Variants in KCNK17 observed in about 807,000 individuals in gnomAD.
KCNK17 encodes potassium channel subfamily K member 17.
Under a neutral mutation model 24.6 loss-of-function variants are expected in KCNK17, and 27 were observed. The observed-to-expected ratio is 1.10, with a 90% CI of 0.81 to 1.51. The LOEUF is 1.51. KCNK17 is among the 40% of genes most tolerant of loss of function. KCNK17 has a pLI of 0.00. For missense variants in KCNK17, 450 were observed against 436.6 expected (o/e 1.03, Z -0.27); for synonymous variants, 181 against 189.8 (o/e 0.95, Z 0.38).
In KCNK17 at chr6:39,304,133, T is replaced by G. The variant is rs769334412; in HGVS notation, c.514-2A>C. 2 of 1,606,312 alleles carry G rather than the reference T, an allele frequency of 1.2e-6. No homozygotes were observed. Among genetic ancestry groups the G allele is most frequent in the African/African-American group, 2.7e-5 (2 of 74,832 alleles). On this transcript the variant is annotated splice_acceptor_variant, in intron 3 of 4. Coordinates refer to ENST00000373231, the MANE Select transcript of KCNK17 (RefSeq NM_031460.4). LOFTEE classifies it high-confidence loss of function. ...CAGCCACCGCGCCTTGTCAGGATCC[T>G]GTGGGTGCAACATTGTCCCCAGGCC...
rs114561048 is a variant in KCNK17 at position 39,307,565 on chromosome 6, T to C, written c.353-2910A>G. ...CACCAGCGGGATGGGGACACTAAGA[T>C]TCCAGCTCTGAGAGGAGCCCCATGG... On this transcript the variant is annotated intron_variant, in intron 2 of 4. Transcript: ENST00000373231. 6.6e-3 allele frequency among the ~76,000 whole-genome samples: 1,002 copies of C among 152,314 alleles called. 5 individuals carry two copies. Among genetic ancestry groups the C allele is most frequent in the Non-Finnish European group, 0.011 (737 of 68,032 alleles).
At chr6:39,303,634 A>G (rs942307723) in intron 4 of KCNK17, among the ~76,000 whole-genome samples, 13 of 152,220 alleles carry the variant, frequency 8.5e-5, no homozygotes, top group African/African-American at 3.1e-4. Context: ...TTGGCCTTCC[A>G]TAGGGAGAGA....
At chr6:39,301,043 G>C (rs1761943828) in intron 4 of KCNK17, among the ~76,000 whole-genome samples, 1 of 152,198 alleles carries the variant, frequency 6.6e-6, no homozygotes, top group South Asian at 2.1e-4. Flanking sequence ...TGCTCAGAAT[G>C]GTGCCTGGTA....
chr6:39,299,154 G>C lies in KCNK17; in HGVS notation c.*273C>G. The C allele has an allele frequency of 2.1e-6, 1 of 466,786 alleles. No homozygotes were observed. The highest frequency in any genetic ancestry group is 3.8e-6 in the Non-Finnish European group (1 of 260,920). The allele number at this position is 466,786 out of a possible 1,614,324, so 28.9% of individuals were successfully genotyped here. ...TGCCGCTACTTCATGGTGCCGTATGGCTGCCAGAGCTCCCAGCCATCATAT... is the reference window on the plus strand; with the variant it reads ...TGCCGCTACTTCATGGTGCCGTATGCCTGCCAGAGCTCCCAGCCATCATAT... On this transcript the variant is annotated 3_prime_UTR_variant, in exon 5 of 5. Coordinates refer to ENST00000373231, the MANE Select transcript of KCNK17 (RefSeq NM_031460.4).
chr6:39,309,745 A>G (rs1762097945), intron 2 of KCNK17, among the ~76,000 whole-genome samples: 2 of 152,160 alleles, frequency 1.3e-5, no homozygotes, highest in African/African-American at 4.8e-5. Flanking sequence ...ATGCCTGGTG[A>G]ATGCATATTT....
At position 39,300,467 on chromosome 6, in the gene KCNK17, G is replaced by A. The variant is rs201551905; in HGVS notation, c.689-730C>T. 269 of 1,548,612 alleles carry A rather than the reference G, an allele frequency of 1.7e-4. No individual in the cohort carries two copies. In the African/African-American group the frequency reaches 2.0e-3, roughly 12 times the overall value. On this transcript the variant is annotated intron_variant, in intron 4 of 4. Transcript: ENST00000373231. ...AAGCCCCCAGAGGATTTCGATGTCC[G>A]CTCTAGTGTTTGCCAGTCTCTGTTT...
rs765023223 is a variant in KCNK17, at chr6:39,304,516, G to A, written c.492C>T (p.Ser164=). ...TCACCTGCCAGGTGCCCCCCAGCCT[G>A]CTGGCCCAGTGGTTTACTCCCTGCT... is the stretch of plus-strand genomic sequence containing the variant. ...LMQQGVNHWA[S]RLGGTWQDPD... The change falls in exon 3 of 5, where the codon AGC becomes AGT. Residue 164 remains serine, a synonymous_variant. Coordinates refer to ENST00000373231, the MANE Select transcript of KCNK17 (RefSeq NM_031460.4). The A allele has an allele frequency of 3.7e-6, 6 of 1,613,462 alleles. No individual in the cohort carries two copies. In the African/African-American group the frequency reaches 6.7e-5, roughly 18 times the overall value.
chr6:39,299,092 TCCA>T lies in KCNK17; in HGVS notation c.*332_*334del, dbSNP rs1761896110. The T allele has an allele frequency of 3.3e-6, 1 of 304,506 alleles. No individual in the cohort carries two copies. Among genetic ancestry groups the T allele is most frequent in the African/African-American group, 2.1e-5 (1 of 47,402 alleles). The allele number at this position is 304,506 out of a possible 1,614,324, so 18.9% of individuals were successfully genotyped here. A position where few individuals can be genotyped will look rare whatever the true frequency, so the allele number is the denominator to read the frequency against. On this transcript the variant is annotated 3_prime_UTR_variant, in exon 5 of 5. Coordinates refer to ENST00000373231, the MANE Select transcript of KCNK17 (RefSeq NM_031460.4). Reference sequence around the variant, plus strand: ...AGGATGGCTCTGTGATCATCAGAGATCCAGACTCTTCCTATCTTATTGTGCCGC... The same window carrying T: ...AGGATGGCTCTGTGATCATCAGAGATGACTCTTCCTATCTTATTGTGCCGC...
chr6:39,300,742 G>A (rs753502215), intron 4 of KCNK17, among the ~76,000 whole-genome samples: 9 of 151,904 alleles, frequency 5.9e-5, no homozygotes, highest in Non-Finnish European at 1.0e-4. Context: ...TCTTTTTCCC[G>A]TTTCCCCATC....
At chr6:39,307,973 T>C (rs998821178) in intron 2 of KCNK17, among the ~76,000 whole-genome samples, 5 of 152,188 alleles carry the variant, frequency 3.3e-5, no homozygotes, top group African/African-American at 1.2e-4. Context: ...ATCAGTTTGC[T>C]CCATTATTTT....
chr6:39,304,118 G>A lies in KCNK17; in HGVS notation c.527C>T (p.Ala176Val), dbSNP rs746646161. ...LGGTWQDPDK[A>V]RWLAGSGALL... ...GGCGCCAGAGCCCGCCAGCCACCGC[G>A]CCTTGTCAGGATCCTGTGGGTGCAA... The change falls in exon 4 of 5, where the codon GCG becomes GTG. Residue 176 changes from alanine to valine, a missense_variant. Transcript: ENST00000373231. The A allele has an allele frequency of 1.7e-5, 28 of 1,608,488 alleles. No homozygotes were observed. The highest frequency in any genetic ancestry group is 2.0e-5 in the Non-Finnish European group (24 of 1,179,908).
chr6:39,311,050 T>G, intron 1 of KCNK17, 43 bp from the exon 2 acceptor site: 1 of 1,165,072 alleles, frequency 8.6e-7, no homozygotes, highest in Non-Finnish European at 1.3e-6. Flanking sequence ...TGTGGGGTGA[T>G]GGATTTCCTG....
intron 2 of KCNK17, among the ~76,000 whole-genome samples, chr6:39,307,350 T>C (rs866429317): frequency 1.3e-5 from 2 of 152,082 alleles, no homozygotes; most frequent in Non-Finnish European, 2.9e-5. Flanking sequence ...CCCATCTACC[T>C]CCCCCTCTGG....
chr6:39,311,577 G>A (rs573880321), intron 1 of KCNK17, among the ~76,000 whole-genome samples: 1 of 152,206 alleles, frequency 6.6e-6, no homozygotes, highest in Non-Finnish European at 1.5e-5. Flanking sequence ...CTACTTCATA[G>A]AGTTGTTGTG....
intron 4 of KCNK17, 39 bp downstream of exon 4, chr6:39,303,918 C>A (rs772408539): frequency 6.3e-7 from 1 of 1,598,400 alleles, no homozygotes; most frequent in Admixed American, 1.7e-5. Context: ...GTATAGGCAG[C>A]CGAATGTCCC....
rs750480499 is a variant in KCNK17, at chr6:39,303,930, GC to G, written c.688+26del. On this transcript the variant is annotated intron_variant, in intron 4 of 4. Transcript: ENST00000373231. ...GAGGTATAGGCAGCCGAATGTCCCC[GC>G]CAGCCCAACCGCCAGGAACTCTCAC... 11 of 1,605,386 alleles carry G rather than the reference GC, an allele frequency of 6.9e-6. No homozygotes were observed. The South Asian group carries it at 1.1e-4, about 16-fold the overall frequency.
intron 1 of KCNK17, among the ~76,000 whole-genome samples, chr6:39,313,602 A>C (rs1236646433): frequency 6.6e-6 from 1 of 152,094 alleles, no homozygotes; most frequent in East Asian, 1.9e-4. Flanking sequence ...CCCAGTTCGC[A>C]AACGTGCGCC....
Position 39,299,204 on chromosome 6 carries a change from T to C in KCNK17, c.*223A>G, listed in dbSNP as rs1761899386. ...TCGGCGGCATTGCAGCCCGCTAAAGTAAGGAAGTGGGGGAGAAGGGCATGC... is the reference window on the plus strand; with the variant it reads ...TCGGCGGCATTGCAGCCCGCTAAAGCAAGGAAGTGGGGGAGAAGGGCATGC... On this transcript the variant is annotated 3_prime_UTR_variant, in exon 5 of 5. Transcript: ENST00000373231. The C allele has an allele frequency of 7.4e-6, 4 of 542,310 alleles. No individual in the cohort carries two copies. The highest frequency in any genetic ancestry group is 1.3e-5 in the Non-Finnish European group (4 of 305,862). The allele number at this position is 542,310 out of a possible 1,614,324, so 33.6% of individuals were successfully genotyped here. A position where few individuals can be genotyped will look rare whatever the true frequency, so the allele number is the denominator to read the frequency against.
rs772099883 is a variant in KCNK17, at chr6:39,310,905, T to C, written c.340A>G (p.Ile114Val). 3.7e-6 allele frequency: 6 copies of C among 1,602,920 alleles called. No individual in the cohort carries two copies. Among genetic ancestry groups the C allele is most frequent in the South Asian group, 2.2e-5 (2 of 90,574 alleles). Residue 114 changes from isoleucine (I) to valine (V), a missense_variant, in exon 2 of 5, where the codon ATC becomes GTC. Physicochemically the swap from Ile to Val is conservative, Grantham distance 29. Transcript: ENST00000373231. ...VGSFFFSVSTITTIGYGNLSP... is the reference protein window; with the variant it reads ...VGSFFFSVSTVTTIGYGNLSP... The stretch of plus-strand genomic sequence containing the variant: ...ATCTGGCCCTTACCAATGGTGGTGA[T>C]GGTGGACACAGAAAAGAAGAAGGAG...
Sources: gnomAD v4.1 joint callset for allele counts (sites outside exome capture counted in the v4.1 genomes callset) on GRCh38, gnomAD v4.1.1 for gene constraint, MANE v1.5 for transcripts, NCBI Gene and HGNC (gene_info 2026-07-23, HGNC 2026-07-21) for gene names.